Variants in PRR19 observed in about 807,000 individuals in gnomAD.
PRR19 encodes the protein proline rich 19.
In PRR19, 9 loss-of-function variants were observed where a neutral mutation model predicts 19.2. The ratio of observed to expected loss-of-function variants is 0.47; its 90% CI spans 0.28 to 0.82. The LOEUF is 0.82. Among genes scored for constraint, PRR19 ranks in the 40% least tolerant of loss-of-function variants. The probability of loss-of-function intolerance (pLI) is 0.11; values close to 1 mark genes in which losing one functional copy is unlikely to be tolerated. For missense variants in PRR19, 457 were observed against 466.0 expected (o/e 0.98, Z 0.18); for synonymous variants, 190 against 191.0 (o/e 0.99, Z 0.04).
intron 1 of PRR19, among the ~76,000 whole-genome samples, chr19:42,307,296 T>G (rs1376467436): frequency 6.6e-6 from 1 of 152,072 alleles, no homozygotes; most frequent in African/African-American, 2.4e-5. Flanking sequence ...TGCTTCTCTT[T>G]CTCTACTATC....
Position 42,310,435 on chromosome 19 carries a change from G to T in PRR19, c.766G>T (p.Ala256Ser). ...GCCCACTGCGCACAGGGGGAGTCTGGCACCGCCAAGAGGTCCCTGGCCACC... is the reference window on the plus strand; with the variant it reads ...GCCCACTGCGCACAGGGGGAGTCTGTCACCGCCAAGAGGTCCCTGGCCACC... ...SMPTAHRGSL[A>S]PPRGPWPPYF... Residue 256 changes from alanine to serine, a missense_variant, in exon 3 of 3, where the codon GCA becomes TCA. Ala to Ser is a moderately conservative substitution (Grantham distance 99, BLOSUM62 1). Transcript: ENST00000341747. The T allele has an allele frequency of 6.2e-7, 1 of 1,614,182 alleles. No individual in the cohort carries two copies. The highest frequency in any genetic ancestry group is 1.1e-5 in the South Asian group (1 of 91,084).
chr19:42,310,337 C>G lies in PRR19; in HGVS notation c.668C>G (p.Pro223Arg). 6.2e-7 allele frequency: 1 copy of G among 1,614,132 alleles called. No individual in the cohort carries two copies. The highest frequency in any genetic ancestry group is 8.5e-7 in the Non-Finnish European group (1 of 1,180,004). ...TGGATTAATAGCCCTGATCAAGTCC[C>G]AGAGCAGGAGAGGCAAAGGAAGCAA... ...PFWINSPDQV[P>R]EQERQRKQQG... Residue 223 changes from proline (P) to arginine (R), a missense_variant, in exon 3 of 3, where the codon CCA (proline) becomes CGA (arginine). Coordinates refer to ENST00000341747, the MANE Select transcript of PRR19 (RefSeq NM_199285.3).
rs1555776054 is a variant in PRR19, at chr19:42,303,064, G to GGTGTGTGTGTGTGTGTGGGTGT, written c.-7+578_-7+579insGGTGTGTGTGTGTGTGTGTGTG. 1.2e-4 allele frequency among the ~76,000 whole-genome samples: 16 copies of GGTGTGTGTGTGTGTGTGGGTGT among 134,034 alleles called. No individual in the cohort carries two copies. The East Asian group carries it at 3.1e-3, about 26-fold the overall frequency. The allele number at this position is 134,034 out of a possible 152,430, so 87.9% of individuals were successfully genotyped here. A position where few individuals can be genotyped will look rare whatever the true frequency, so the allele number is the denominator to read the frequency against. On this transcript the variant is annotated intron_variant, in intron 1 of 2. Transcript: ENST00000341747. Reference sequence around the variant, plus strand: ...GGCTTCCCCTACTCAAAACACCGTGGGTGTGTGTGTGTGTGTGTGTGTGTG... The same window carrying GGTGTGTGTGTGTGTGTGGGTGT: ...GGCTTCCCCTACTCAAAACACCGTGGGTGTGTGTGTGTGTGTGGGTGTGTGTGTGTGTGTGTGTGTGTGTGTG...
chr19:42,303,064 GGTGTGTGTGTGT>G (rs59660057), intron 1 of PRR19, among the ~76,000 whole-genome samples: 22 of 134,036 alleles, frequency 1.6e-4, no homozygotes, highest in East Asian at 1.6e-3. Flanking sequence ...AAACACCGTG[GGTGTGTGTGTGT>G]GTGTGTGTGT....
At chr19:42,304,339 C>T (rs1162801678) in intron 1 of PRR19, among the ~76,000 whole-genome samples, 1 of 151,622 alleles carries the variant, frequency 6.6e-6, no homozygotes, top group Non-Finnish European at 1.5e-5. Context: ...TCTGAGGGAG[C>T]CAGGTGCAGT....
intron 1 of PRR19, among the ~76,000 whole-genome samples, chr19:42,303,060 CGTGGGTGT>C (rs1286434595): frequency 9.0e-5 from 9 of 100,416 alleles, no homozygotes; most frequent in African/African-American, 3.2e-4. Flanking sequence ...CTCAAAACAC[CGTGGGTGT>C]GTGTGTGTGT....
chr19:42,305,274 A>G (rs1384681877), intron 1 of PRR19, among the ~76,000 whole-genome samples: 1 of 152,004 alleles, frequency 6.6e-6, no homozygotes, highest in African/African-American at 2.4e-5. Context: ...AGTCAGTGAT[A>G]TAAGAGAGAA....
chr19:42,310,423 A>C lies in PRR19; in HGVS notation c.754A>C (p.Arg252=). The change falls in exon 3 of 3, where the codon AGG becomes CGG. Residue 252 remains arginine (R), a synonymous_variant. Coordinates refer to ENST00000341747, the MANE Select transcript of PRR19 (RefSeq NM_199285.3). ...CACCTCCAGCATGCCCACTGCGCAC[A>C]GGGGGAGTCTGGCACCGCCAAGAGG... is the stretch of plus-strand genomic sequence containing the variant. ...PYTSSMPTAH[R]GSLAPPRGPW... 6.2e-7 allele frequency: 1 copy of C among 1,614,156 alleles called. No homozygotes were observed. The highest frequency in any genetic ancestry group is 2.2e-5 in the East Asian group (1 of 44,874).
At chr19:42,303,744 C>T (rs947859086) in intron 1 of PRR19, among the ~76,000 whole-genome samples, 1 of 152,084 alleles carries the variant, frequency 6.6e-6, no homozygotes, top group African/African-American at 2.4e-5. Flanking sequence ...CTGACCTTGT[C>T]CCAATGTGTT....
chr19:42,309,547 A>T, intron 1 of PRR19, 32 bp from the exon 2 acceptor site: 1 of 1,485,784 alleles, frequency 6.7e-7, no homozygotes, highest in African/African-American at 1.4e-5. Flanking sequence ...ACTTATCTGC[A>T]TGCTGATGGC....
chr19:42,305,144 G>A (rs1043297149), intron 1 of PRR19, among the ~76,000 whole-genome samples: 2 of 151,938 alleles, frequency 1.3e-5, no homozygotes. Context: ...GGGAGGTGGA[G>A]GTTGCAGTGA....
intron 1 of PRR19, among the ~76,000 whole-genome samples, chr19:42,303,069 GT>G (rs1404667187): frequency 8.6e-6 from 1 of 116,284 alleles, no homozygotes; most frequent in Non-Finnish European, 1.7e-5. Flanking sequence ...CCGTGGGTGT[GT>G]GTGTGTGTGT....
At chr19:42,302,561 G>C (rs1221186580) in intron 1 of PRR19, 58 bp downstream of exon 1, 1 of 457,672 alleles carries the variant, frequency 2.2e-6, no homozygotes, top group South Asian at 3.0e-5. Context: ...GGGCTCGCCC[G>C]GCGCTTCCCG....
At chr19:42,304,340 C>T (rs1599958335) in intron 1 of PRR19, among the ~76,000 whole-genome samples, 1 of 151,516 alleles carries the variant, frequency 6.6e-6, no homozygotes, top group African/African-American at 2.4e-5. Flanking sequence ...CTGAGGGAGC[C>T]AGGTGCAGTG....
intron 1 of PRR19, chr19:42,307,127 C>CCCA (rs2038716840): frequency 6.6e-6 from 1 of 152,470 alleles, no homozygotes; most frequent in South Asian, 2.1e-4. Flanking sequence ...CTTCACTCTG[C>CCCA]CCACCCTGCC....
chr19:42,302,350 G>T lies in PRR19; in HGVS notation c.-160G>T. ...CCTGCAGGATGAGCGAGTCGGGTCG[G>T]CCCGGGAGTGTTCCGAACGGAGCTG... On this transcript the variant is annotated 5_prime_UTR_variant, in exon 1 of 3. Coordinates refer to ENST00000341747, the MANE Select transcript of PRR19 (RefSeq NM_199285.3). 6.5e-7 allele frequency: 1 copy of T among 1,540,174 alleles called. No homozygotes were observed.
Position 42,309,604 on chromosome 19 carries a change from T to G in PRR19, c.20T>G (p.Val7Gly). MDTQGP[V>G]SQPFQQPEKP... ...GACACCATGGATACCCAGGGACCAG[T>G]CTCCCAGCCTTTTCAGCAGCCTGAG... is the stretch of plus-strand genomic sequence containing the variant. Residue 7 changes from valine to glycine, a missense_variant, in exon 2 of 3, where the codon GTC becomes GGC. By Grantham distance (109) the Val-to-Gly change is moderately radical. Coordinates refer to ENST00000341747, the MANE Select transcript of PRR19 (RefSeq NM_199285.3). The G allele has an allele frequency of 6.5e-7, 1 of 1,527,324 alleles. No individual in the cohort carries two copies. The highest frequency in any genetic ancestry group is 1.3e-5 in the South Asian group (1 of 78,340). 94.6% of individuals were successfully genotyped at this position (1,527,324 alleles called of 1,614,324 possible).
In PRR19 at chr19:42,310,403, C is replaced by T. The variant is rs758679667; in HGVS notation, c.734C>T (p.Ser245Phe). ...KEFTFPMPYT[S>F]SMPTAHRGSL... Reference sequence around the variant, plus strand: ...TTCACCTTCCCCATGCCCTACACCTCCAGCATGCCCACTGCGCACAGGGGG... The same window carrying T: ...TTCACCTTCCCCATGCCCTACACCTTCAGCATGCCCACTGCGCACAGGGGG... The change falls in exon 3 of 3, where the codon TCC becomes TTC. Residue 245 changes from serine (S) to phenylalanine (F), a missense_variant. By Grantham distance (155) the Ser-to-Phe change is radical. Coordinates refer to ENST00000341747, the MANE Select transcript of PRR19 (RefSeq NM_199285.3). The T allele has an allele frequency of 6.2e-7, 1 of 1,614,084 alleles. No individual in the cohort carries two copies. The highest frequency in any genetic ancestry group is 8.5e-7 in the Non-Finnish European group (1 of 1,180,032).
At chr19:42,305,215 A>C (rs1324186859) in intron 1 of PRR19, among the ~76,000 whole-genome samples, 1 of 152,074 alleles carries the variant, frequency 6.6e-6, no homozygotes, top group East Asian at 1.9e-4. Flanking sequence ...TCTCAAAAAG[A>C]AAAGGAAAGA....
Sources: gnomAD v4.1 joint callset for allele counts (sites outside exome capture counted in the v4.1 genomes callset) on GRCh38, gnomAD v4.1.1 for gene constraint, MANE v1.5 for transcripts, NCBI Gene and HGNC (gene_info 2026-07-23, HGNC 2026-07-21) for gene names.